The following NIBAN1 variants were observed in gnomAD, a reference collection of about 807,000 sequenced individuals.
The protein encoded by NIBAN1 is niban apoptosis regulator 1, also known as protein Niban 1.
A neutral mutation model predicts 75.1 loss-of-function variants in NIBAN1; 81 were observed. That is an observed-to-expected ratio of 1.08 (90% confidence interval 0.90 to 1.30). The LOEUF (loss-of-function observed/expected upper bound fraction) is 1.30, where lower values mean the gene tolerates loss of function less well. Ranked by LOEUF, NIBAN1 falls within the 50% of genes most tolerant of loss-of-function variation. The probability of loss-of-function intolerance (pLI) is 0.00; values close to 1 mark genes in which losing one functional copy is unlikely to be tolerated. For synonymous variants in NIBAN1, 436 were observed against 424.8 expected (o/e 1.03, Z -0.32); for missense variants, 1,133 against 1,128.1 (o/e 1.00, Z -0.06).
intron 5 of NIBAN1, among the ~76,000 whole-genome samples, chr1:184,854,650 A>C (rs1193739586): frequency 1.3e-5 from 2 of 152,216 alleles, no homozygotes; most frequent in East Asian, 3.8e-4. Flanking sequence ...AACCAGCAAC[A>C]GACAGATGAG....
chr1:184,857,190 G>T (rs547108768), intron 5 of NIBAN1, among the ~76,000 whole-genome samples: 2 of 152,262 alleles, frequency 1.3e-5, no homozygotes, highest in Admixed American at 1.3e-4. Flanking sequence ...AGTCTGCAAG[G>T]CTTAGGGGCT....
At chr1:184,819,410 C>T (rs1406745514) in intron 8 of NIBAN1, among the ~76,000 whole-genome samples, 1 of 152,086 alleles carries the variant, frequency 6.6e-6, no homozygotes, top group Non-Finnish European at 1.5e-5. Flanking sequence ...ACCAAGATGA[C>T]ATGCTTAGTG....
chr1:184,833,677 G>A (rs1301628941), intron 5 of NIBAN1, among the ~76,000 whole-genome samples: 1 of 151,924 alleles, frequency 6.6e-6, no homozygotes, highest in Admixed American at 6.6e-5. Context: ...ACCCTATCCA[G>A]GGCAATAGAG....
At chr1:184,940,345 G>C (rs1658060304) in intron 1 of NIBAN1, among the ~76,000 whole-genome samples, 1 of 152,204 alleles carries the variant, frequency 6.6e-6, no homozygotes, top group African/African-American at 2.4e-5. Context: ...GATTGTAAAT[G>C]GTAGCAAGGA....
intron 5 of NIBAN1, among the ~76,000 whole-genome samples, chr1:184,871,700 C>A (rs539666909): frequency 6.6e-6 from 1 of 152,318 alleles, no homozygotes; most frequent in Non-Finnish European, 1.5e-5. Context: ...CTACCTTTTT[C>A]TAGCCTCCCA....
chr1:184,796,141 G>A (rs1653858903), intron 13 of NIBAN1, 44 bp from the exon 14 acceptor site: 1 of 1,484,990 alleles, frequency 6.7e-7, no homozygotes, highest in African/African-American at 1.4e-5. Context: ...TGATTTTATT[G>A]AGAAGCCAAA....
intron 5 of NIBAN1, among the ~76,000 whole-genome samples, chr1:184,838,462 A>AT (rs1268450716): frequency 6.6e-6 from 1 of 152,302 alleles, no homozygotes; most frequent in East Asian, 1.9e-4. Context: ...GGGGAGACAC[A>AT]TTTTGGCCAT....
chr1:184,907,682 C>A (rs1657138737), intron 1 of NIBAN1, among the ~76,000 whole-genome samples: 1 of 152,194 alleles, frequency 6.6e-6, no homozygotes, highest in African/African-American at 2.4e-5. Context: ...CAAGGACTCT[C>A]TTTTTCTTCT....
chr1:184,830,597 C>T (rs1301310579), intron 6 of NIBAN1, among the ~76,000 whole-genome samples: 1 of 152,142 alleles, frequency 6.6e-6, no homozygotes, highest in Non-Finnish European at 1.5e-5. Context: ...TCAGCATTAG[C>T]TGTTTAATGA....
intron 7 of NIBAN1, 130 bp downstream of exon 7, chr1:184,823,508 C>A: frequency 8.1e-7 from 1 of 1,238,318 alleles, no homozygotes; most frequent in Non-Finnish European, 1.1e-6. Flanking sequence ...TGAGACTCAG[C>A]AGGTTCGAAG....
At chr1:184,797,376 A>C (rs569175136) in intron 13 of NIBAN1, among the ~76,000 whole-genome samples, 496 of 152,108 alleles carry the variant, frequency 3.3e-3, no homozygotes, top group African/African-American at 0.011. Context: ...TCCTGACCTC[A>C]AGTGATCTGC....
At chr1:184,934,717 A>G (rs1413636369) in intron 1 of NIBAN1, among the ~76,000 whole-genome samples, 1 of 152,102 alleles carries the variant, frequency 6.6e-6, no homozygotes, top group Non-Finnish European at 1.5e-5. Flanking sequence ...CAATATGGTA[A>G]AACCCTGTCT....
chr1:184,965,885 G>A (rs969350603), intron 1 of NIBAN1, among the ~76,000 whole-genome samples: 1 of 152,198 alleles, frequency 6.6e-6, no homozygotes, highest in African/African-American at 2.4e-5. Flanking sequence ...AAATACAGGA[G>A]AAATGTGTGG....
chr1:184,818,818 C>T lies in NIBAN1; in HGVS notation c.993G>A (p.Val331=). 6.3e-7 allele frequency: 1 copy of T among 1,590,384 alleles called. No homozygotes were observed. Among genetic ancestry groups the T allele is most frequent in the Non-Finnish European group, 8.6e-7 (1 of 1,164,186 alleles). ...NYLIGKIKAM[V]AQPAEKSCLE... ...AGCAGCTTTTCTCCGCCGGCTGGGC[C>T]ACCATCGCTGAGGTAGGAAATAGCC... The change falls in exon 9 of 14, where the codon GTG becomes GTA. Residue 331 remains valine, a synonymous_variant. Coordinates refer to ENST00000367511, the MANE Select transcript of NIBAN1 (RefSeq NM_052966.4).
At chr1:184,915,482 T>A (rs1203020640) in intron 1 of NIBAN1, among the ~76,000 whole-genome samples, 1 of 152,204 alleles carries the variant, frequency 6.6e-6, no homozygotes, top group Non-Finnish European at 1.5e-5. Flanking sequence ...TAAAGAATAG[T>A]AAGATGGTTT....
chr1:184,831,739 T>G lies in NIBAN1; in HGVS notation c.717+108A>C, dbSNP rs1446288223. 2.6e-5 allele frequency: 20 copies of G among 776,482 alleles called. No individual in the cohort carries two copies. In the East Asian group the frequency reaches 4.9e-4, roughly 19 times the overall value. The allele number at this position is 776,482 out of a possible 1,614,324, so 48.1% of individuals were successfully genotyped here. A position where few individuals can be genotyped will look rare whatever the true frequency, so the allele number is the denominator to read the frequency against. ...AGAGATGGTCTTTGGAACCACATCTTCCATACTTGCAACTTTTCTGTTTGA... is the reference window on the plus strand; with the variant it reads ...AGAGATGGTCTTTGGAACCACATCTGCCATACTTGCAACTTTTCTGTTTGA... On this transcript the variant is annotated intron_variant, in intron 6 of 13. Transcript: ENST00000367511.
At chr1:184,864,987 T>A (rs1571529560) in intron 5 of NIBAN1, among the ~76,000 whole-genome samples, 13 of 105,444 alleles carry the variant, frequency 1.2e-4, no homozygotes, top group East Asian at 3.0e-4. Context: ...ACTAAAGAGG[T>A]CAAAAAAAAA....
intron 1 of NIBAN1, among the ~76,000 whole-genome samples, chr1:184,950,133 C>G (rs1279773469): frequency 6.6e-6 from 1 of 151,230 alleles, no homozygotes; most frequent in East Asian, 2.0e-4. Flanking sequence ...CCAACCCCAA[C>G]CCAAATGAAT....
chr1:184,943,844 G>A (rs899967019), intron 1 of NIBAN1, among the ~76,000 whole-genome samples: 1 of 152,062 alleles, frequency 6.6e-6, no homozygotes, highest in African/African-American at 2.4e-5. Context: ...CACTGCACTA[G>A]ACACCGAGGT....
Sources: allele counts gnomAD v4.1 joint callset (sites outside exome capture counted in the v4.1 genomes callset), GRCh38; gene constraint gnomAD v4.1.1; transcripts MANE v1.5; gene names NCBI Gene and HGNC (gene_info 2026-07-23, HGNC 2026-07-21).